Variants in TCF4 observed in about 807,000 individuals in gnomAD.
The protein encoded by TCF4 is transcription factor 4, also known as SL3-3 enhancer factor 2.
Under a neutral mutation model 82.1 loss-of-function variants are expected in TCF4, and 3 were observed. The ratio of observed to expected loss-of-function variants is 0.04; its 90% CI spans 0.02 to 0.09. The LOEUF is 0.09. TCF4 is among the 10% of genes least tolerant of loss of function. The pLI is 1.00. For synonymous variants in TCF4, 276 were observed against 309.6 expected, an observed-to-expected ratio of 0.89 and a Z score of 1.14; for missense variants, 518 against 852.7, an observed-to-expected ratio of 0.61 and a Z score of 4.89.
intron 2 of TCF4, among the ~76,000 whole-genome samples, chr18:55,595,907 G>A (rs373111263): frequency 4.0e-4 from 61 of 152,106 alleles, no homozygotes; most frequent in African/African-American, 1.4e-3. Flanking sequence ...CGGTGGTCTC[G>A]TTTTCCCTTG....
intron 15 of TCF4, among the ~76,000 whole-genome samples, chr18:55,239,317 T>G (rs939007617): frequency 1.3e-5 from 2 of 152,148 alleles, no homozygotes; most frequent in South Asian, 4.1e-4. Context: ...AACTCTTCAT[T>G]TTACAAAGAA....
chr18:55,582,269 T>G (rs1416814090), intron 3 of TCF4, among the ~76,000 whole-genome samples: 2 of 152,100 alleles, frequency 1.3e-5, no homozygotes, highest in Admixed American at 1.3e-4. Flanking sequence ...ATGTGGATGC[T>G]TTTAGTTTGT....
At chr18:55,236,803 T>G (rs2049585958) in intron 15 of TCF4, among the ~76,000 whole-genome samples, 1 of 152,216 alleles carries the variant, frequency 6.6e-6, no homozygotes, top group Admixed American at 6.5e-5. Flanking sequence ...TCGTGCTGAT[T>G]CATATTTATT....
At position 55,354,916 on chromosome 18, in the gene TCF4, A is replaced by G. The variant is rs2083123044; in HGVS notation, c.370-3913T>C. On this transcript the variant is annotated intron_variant, in intron 6 of 19. Coordinates refer to ENST00000354452, the MANE Select transcript of TCF4 (RefSeq NM_001083962.2). ...GCTTTCTCGATTCTGCGTCACTCCC[A>G]TTACGTTGTGATCCGGTATCAGACA... Among the ~76,000 whole-genome samples the G allele has an allele frequency of 2.0e-5, 3 of 152,168 alleles. No individual in the cohort carries two copies. The South Asian group carries it at 6.2e-4, about 32-fold the overall frequency.
intron 3 of TCF4, among the ~76,000 whole-genome samples, chr18:55,556,677 C>G (rs1218936431): frequency 1.3e-5 from 2 of 152,184 alleles, no homozygotes; most frequent in South Asian, 2.1e-4. Context: ...TCAAAGGGAA[C>G]TTTTCCCATT....
chr18:55,439,765 G>A (rs2095404501), intron 5 of TCF4, among the ~76,000 whole-genome samples: 1 of 152,114 alleles, frequency 6.6e-6, no homozygotes, highest in African/African-American at 2.4e-5. Flanking sequence ...CTCTGTCACC[G>A]AGGCAAGAGT....
At chr18:55,621,645 A>ATATTATG (rs1378397922) in intron 2 of TCF4, among the ~76,000 whole-genome samples, 23 of 16,908 alleles carry the variant, frequency 1.4e-3, no homozygotes, top group African/African-American at 0.011. Context: ...ATTATATAAT[A>ATATTATG]TACATTATAT....
intron 3 of TCF4, among the ~76,000 whole-genome samples, chr18:55,483,933 ACTG>A (rs2096480168): frequency 6.6e-6 from 1 of 152,248 alleles, no homozygotes; most frequent in Admixed American, 6.5e-5. Context: ...AGAGCAGTTT[ACTG>A]CTTTCAATTT....
intron 2 of TCF4, chr18:55,596,221 C>T (rs570007411): frequency 7.2e-5 from 24 of 331,640 alleles, no homozygotes; most frequent in African/African-American, 5.2e-4. Flanking sequence ...CAGAATGAGA[C>T]TCCATCTGGA....
chr18:55,486,787 A>G (rs2096522342), intron 3 of TCF4, among the ~76,000 whole-genome samples: 1 of 152,202 alleles, frequency 6.6e-6, no homozygotes, highest in South Asian at 2.1e-4. Flanking sequence ...TGAGTCTAAC[A>G]AAGTCATGAA....
chr18:55,386,507 T>C (rs1352810467), intron 6 of TCF4, among the ~76,000 whole-genome samples: 1 of 152,234 alleles, frequency 6.6e-6, no homozygotes, highest in East Asian at 1.9e-4. Context: ...ATCTACAGTT[T>C]TGTAGTTTTT....
At chr18:55,231,752 T>G (rs532518407) in intron 17 of TCF4, 3 of 152,260 alleles carry the variant, frequency 2.0e-5, no homozygotes, top group Non-Finnish European at 4.4e-5. Context: ...AGAGGCAGCA[T>G]GTTCTTAATT....
intron 3 of TCF4, among the ~76,000 whole-genome samples, chr18:55,573,128 G>A (rs75791543): frequency 1.9e-3 from 282 of 151,844 alleles, no homozygotes; most frequent in African/African-American, 6.7e-3. Flanking sequence ...TCGCAGAATT[G>A]CAAACTCAAT....
chr18:55,596,117 G>A (rs2097690692), intron 2 of TCF4: 2 of 437,474 alleles, frequency 4.6e-6, no homozygotes, highest in Non-Finnish European at 4.6e-6. Flanking sequence ...CCTATCCCGG[G>A]TACTCAGGAG....
At chr18:55,607,207 C>T (rs2097702970) in intron 2 of TCF4, among the ~76,000 whole-genome samples, 1 of 152,200 alleles carries the variant, frequency 6.6e-6, no homozygotes. Flanking sequence ...TCAGAATATA[C>T]TCCCATCTTC....
chr18:55,318,243 C>T (rs191231044), intron 8 of TCF4, among the ~76,000 whole-genome samples: 24 of 152,156 alleles, frequency 1.6e-4, no homozygotes, highest in Non-Finnish European at 2.8e-4. Flanking sequence ...CTTCAATGAA[C>T]ATGCAAGAAG....
At chr18:55,392,398 T>G (rs2093194028) in intron 6 of TCF4, among the ~76,000 whole-genome samples, 1 of 147,288 alleles carries the variant, frequency 6.8e-6, no homozygotes, top group Admixed American at 7.0e-5. Flanking sequence ...GTGGGAAGAC[T>G]GATTCAGCCC....
At chr18:55,434,788 G>GTGTA (rs1364895916) in intron 5 of TCF4, among the ~76,000 whole-genome samples, 2 of 150,664 alleles carry the variant, frequency 1.3e-5, no homozygotes, top group East Asian at 1.9e-4. Context: ...GTGTGTGTGT[G>GTGTA]TGTGTGTGTA....
At chr18:55,522,173 C>T (rs1435264057) in intron 3 of TCF4, among the ~76,000 whole-genome samples, 2 of 152,176 alleles carry the variant, frequency 1.3e-5, no homozygotes, top group African/African-American at 2.4e-5. Context: ...AGTTCTTCCT[C>T]CTCTAGCCTT....
Sources: allele counts gnomAD v4.1 joint callset (sites outside exome capture counted in the v4.1 genomes callset), GRCh38; gene constraint gnomAD v4.1.1; transcripts MANE v1.5; gene names NCBI Gene and HGNC (gene_info 2026-07-23, HGNC 2026-07-21).